Variants in RFC3 observed in about 807,000 individuals in gnomAD.
RFC3 encodes replication factor C subunit 3, also known as A1 38 kDa subunit.
RFC3 carries 41 observed loss-of-function variants against 45.1 expected under a neutral mutation model. The observed-to-expected ratio is 0.91, with a 90% CI of 0.71 to 1.18. RFC3 has a LOEUF of 1.18. Ranked by LOEUF, RFC3 falls within the 50% of genes most tolerant of loss-of-function variation. The pLI is 0.00. For missense variants in RFC3, 423 were observed against 428.1 expected (o/e 0.99, Z 0.10); for synonymous variants, 149 against 144.0 (o/e 1.03, Z -0.25).
At position 33,951,233 on chromosome 13, in the gene RFC3, ATT is replaced by A. The variant is rs11336021; in HGVS notation, c.880-14838_880-14837del. 3.9e-3 allele frequency among the ~76,000 whole-genome samples: 517 copies of A among 134,120 alleles called. 2 individuals are homozygous for A. The highest frequency in any genetic ancestry group is 0.013 in the African/African-American group (461 of 36,472). The allele number at this position is 134,120 out of a possible 152,430, so 88.0% of individuals were successfully genotyped here. A position where few individuals can be genotyped will look rare whatever the true frequency, so the allele number is the denominator to read the frequency against. On this transcript the variant is annotated intron_variant, in intron 8 of 8. Coordinates refer to the RFC3 transcript ENST00000434425. Reference sequence around the variant, plus strand: ...ATATCACTGGGTATACTATAAGTACATTTTTTTTTTTTTTTTTGAGACAGAGT... The same window carrying A: ...ATATCACTGGGTATACTATAAGTACATTTTTTTTTTTTTTTGAGACAGAGT...
intron 8 of RFC3, among the ~76,000 whole-genome samples, chr13:33,923,169 A>T (rs1023616902): frequency 3.3e-5 from 5 of 152,118 alleles, no homozygotes; most frequent in Admixed American, 6.6e-5. Flanking sequence ...ATTCTTTGTG[A>T]CATAGAGATA....
intron 8 of RFC3, among the ~76,000 whole-genome samples, chr13:33,861,661 C>T (rs1320093850): frequency 2.0e-5 from 3 of 147,286 alleles, no homozygotes; most frequent in East Asian, 3.9e-4. Context: ...AAAAAAAAAA[C>T]GGAAAAATGA....
chr13:33,838,924 T>C (rs1369408575), downstream of RFC3, among the ~76,000 whole-genome samples: 1 of 152,194 alleles, frequency 6.6e-6, no homozygotes, highest in Non-Finnish European at 1.5e-5. Flanking sequence ...ATTGCTTAGA[T>C]GTCAGCTGTG....
chr13:33,871,298 G>T (rs1482629229), intron 8 of RFC3, among the ~76,000 whole-genome samples: 1 of 152,100 alleles, frequency 6.6e-6, no homozygotes, highest in African/African-American at 2.4e-5. Context: ...ATTCTCACTG[G>T]GCTAAAGTCA....
At chr13:33,820,941 T>C (rs2081997191) in intron 1 of RFC3, among the ~76,000 whole-genome samples, 191 bp from the exon 2 acceptor site, 1 of 149,014 alleles carries the variant, frequency 6.7e-6, no homozygotes. Flanking sequence ...ATATAAAAGA[T>C]ACACAATATT....
At chr13:33,822,138 A>G (rs2082009321) in intron 2 of RFC3, among the ~76,000 whole-genome samples, 1 of 152,216 alleles carries the variant, frequency 6.6e-6, no homozygotes, top group Non-Finnish European at 1.5e-5. Flanking sequence ...ATTTAGATAC[A>G]TTGAGTTTGA....
intron 8 of RFC3, among the ~76,000 whole-genome samples, chr13:33,953,345 G>T (rs1412225739): frequency 3.2e-5 from 3 of 94,946 alleles, no homozygotes; most frequent in African/African-American, 8.4e-5. Context: ...AAAAAAAAAA[G>T]CCCAGTGAAT....
intron 8 of RFC3, among the ~76,000 whole-genome samples, chr13:33,894,233 C>A (rs1476096156): frequency 6.6e-6 from 1 of 152,134 alleles, no homozygotes; most frequent in Non-Finnish European, 1.5e-5. Flanking sequence ...CACTGGGTAG[C>A]CTGGCAATCC....
chr13:33,837,879 A>G (rs141617809), downstream of RFC3, among the ~76,000 whole-genome samples: 4 of 152,074 alleles, frequency 2.6e-5, no homozygotes, highest in South Asian at 2.1e-4. Flanking sequence ...TTCTCCTACA[A>G]ATGTTGATAT....
At chr13:33,953,887 C>T (rs1449542095) in intron 8 of RFC3, among the ~76,000 whole-genome samples, 2 of 152,124 alleles carry the variant, frequency 1.3e-5, no homozygotes, top group African/African-American at 4.8e-5. Context: ...TGTTAGGTAA[C>T]ATATACAGTG....
chr13:33,904,049 T>C (rs1312520257), intron 8 of RFC3, among the ~76,000 whole-genome samples: 2 of 152,222 alleles, frequency 1.3e-5, no homozygotes, highest in East Asian at 3.9e-4. Context: ...TATCCCTTTG[T>C]TTAAAATACT....
At chr13:33,918,734 A>G (rs2082749086) in intron 8 of RFC3, among the ~76,000 whole-genome samples, 1 of 152,146 alleles carries the variant, frequency 6.6e-6, no homozygotes, top group African/African-American at 2.4e-5. Flanking sequence ...AGGCTGTCAC[A>G]TCCCATTACT....
At chr13:33,873,691 AC>A (rs2082427466) in intron 8 of RFC3, among the ~76,000 whole-genome samples, 1 of 152,050 alleles carries the variant, frequency 6.6e-6, no homozygotes, top group African/African-American at 2.4e-5. Flanking sequence ...AAGACCCTTC[AC>A]CCTCTTTTGC....
At chr13:33,894,598 T>TAA (rs1446242733) in intron 8 of RFC3, among the ~76,000 whole-genome samples, 1 of 152,098 alleles carries the variant, frequency 6.6e-6, no homozygotes, top group African/African-American at 2.4e-5. Context: ...GAGTGTGGCC[T>TAA]AAAAGCTCCA....
chr13:33,856,123 C>G (rs1475835149), intron 8 of RFC3, among the ~76,000 whole-genome samples: 3 of 152,128 alleles, frequency 2.0e-5, no homozygotes, highest in Non-Finnish European at 4.4e-5. Context: ...AAGTCTTAAT[C>G]CATCTTGAGT....
chr13:33,864,572 A>G (rs1341856986), intron 8 of RFC3, among the ~76,000 whole-genome samples: 1 of 151,982 alleles, frequency 6.6e-6, no homozygotes, highest in African/African-American at 2.4e-5. Flanking sequence ...ACTTGTGATT[A>G]TGTTGGGGAG....
chr13:33,876,923 G>A (rs992730635), intron 8 of RFC3, among the ~76,000 whole-genome samples: 2 of 152,024 alleles, frequency 1.3e-5, no homozygotes, highest in Non-Finnish European at 2.9e-5. Context: ...TGCGCTTTTC[G>A]CAAAAAAGCC....
intron 3 of RFC3, 79 bp downstream of exon 3, chr13:33,824,063 C>A: frequency 1.5e-6 from 1 of 677,986 alleles, no homozygotes; most frequent in Non-Finnish European, 2.4e-6. Context: ...GATTGAAACC[C>A]TTTTTTGAAA....
At chr13:33,923,366 A>G (rs1178265312) in intron 8 of RFC3, among the ~76,000 whole-genome samples, 1 of 152,124 alleles carries the variant, frequency 6.6e-6, no homozygotes, top group Non-Finnish European at 1.5e-5. Context: ...AAAAAATGCC[A>G]GGAATAGCCA....
Sources: allele counts gnomAD v4.1 joint callset (sites outside exome capture counted in the v4.1 genomes callset), GRCh38; gene constraint gnomAD v4.1.1; transcripts MANE v1.5; gene names NCBI Gene and HGNC (gene_info 2026-07-23, HGNC 2026-07-21).